MMP11: variants seen among roughly 807,000 people sequenced by gnomAD.
MMP11 encodes stromelysin-3.
Under a neutral mutation model 49.5 loss-of-function variants are expected in MMP11, and 26 were observed. The ratio of observed to expected loss-of-function variants is 0.52; its 90% CI spans 0.38 to 0.73. The LOEUF is 0.73. Ranked by LOEUF, MMP11 falls within the 30% of genes least tolerant of loss-of-function variation. MMP11 has a pLI of 0.00. For missense variants in MMP11, 624 were observed against 671.2 expected (o/e 0.93, Z 0.78); for synonymous variants, 265 against 282.3 (o/e 0.94, Z 0.62).
Position 23,780,874 on chromosome 22 carries a change from A to T in MMP11, c.632A>T (p.Gln211Leu). ...CCTTTTTCAGGCACAGACCTGCTGC[A>T]GGTGGCAGCCCATGAATTTGGCCAC... is the stretch of plus-strand genomic sequence containing the variant. ...IGDDQGTDLLQVAAHEFGHVL... is the reference protein window; with the variant it reads ...IGDDQGTDLLLVAAHEFGHVL... The change falls in exon 5 of 8, where the codon CAG becomes CTG. Residue 211 changes from glutamine (Q) to leucine (L), a missense_variant. Transcript: ENST00000215743. This position sits in a 1 kb window ranked among gnomAD's most constrained non-coding sequence, Gnocchi z 4.6. The T allele has an allele frequency of 1.2e-6, 2 of 1,613,710 alleles. No individual in the cohort carries two copies. Among genetic ancestry groups the T allele is most frequent in the Non-Finnish European group, 1.7e-6 (2 of 1,179,858 alleles).
chr22:23,780,616 C>T lies in MMP11; in HGVS notation c.517C>T (p.Pro173Ser), dbSNP rs765186878. The change falls in exon 4 of 8, where the codon CCT becomes TCT. Residue 173 changes from proline (P) to serine (S), a missense_variant. Pro to Ser is a moderately conservative substitution (Grantham distance 74). Transcript: ENST00000215743. The surrounding 1 kb of genome is among the most constrained non-coding windows in gnomAD (Gnocchi z 4.6). ...TGGGGACGACCTGCCGTTTGATGGG[C>T]CTGGGGGCATCCTGGCCCATGCCTT... Reference protein sequence around the residue: ...WHGDDLPFDGPGGILAHAFFP... With the variant: ...WHGDDLPFDGSGGILAHAFFP... 3 of 1,595,442 alleles carry T rather than the reference C, an allele frequency of 1.9e-6. No homozygotes were observed. The highest frequency in any genetic ancestry group is 2.3e-5 in the South Asian group (2 of 88,024).
intron 1 of MMP11, among the ~76,000 whole-genome samples, chr22:23,778,203 G>C (rs553876657): frequency 6.6e-6 from 1 of 152,352 alleles, no homozygotes; most frequent in South Asian, 2.1e-4. Context: ...CCTTAGGCCT[G>C]AGCCACCAGA....
intron 6 of MMP11, chr22:23,781,849 A>G (rs1216182928): frequency 3.3e-6 from 2 of 598,844 alleles, no homozygotes; most frequent in Non-Finnish European, 6.5e-6. Context: ...GATGCCAGGG[A>G]CTTCACAAAT....
rs756919599 is a variant in MMP11, at chr22:23,783,382, G to A, written c.1334-29G>A. On this transcript the variant is annotated intron_variant, in intron 7 of 7. Transcript: ENST00000215743. ...CAGGAGTAGGGCCCAGTGTCCGCTC[G>A]CCCAGGCTTGACCACCTTCTCTTCT... The A allele has an allele frequency of 6.8e-6, 11 of 1,611,998 alleles. No individual in the cohort carries two copies. In the South Asian group the frequency reaches 7.7e-5, roughly 11 times the overall value.
At chr22:23,778,768 GAC>G (rs1228705193) in intron 1 of MMP11, among the ~76,000 whole-genome samples, 1 of 152,214 alleles carries the variant, frequency 6.6e-6, no homozygotes, top group Non-Finnish European at 1.5e-5. Context: ...GAACTTAGCG[GAC>G]ACAGGAAGAA....
rs1465686052 is a variant in MMP11 at position 23,782,388 on chromosome 22, C to A, written c.1238C>A (p.Pro413His). 1.2e-5 allele frequency: 20 copies of A among 1,613,848 alleles called. 1 individual carries two copies. In the Admixed American group the frequency reaches 3.3e-4, roughly 27 times the overall value. The change falls in exon 7 of 8, where the codon CCC becomes CAC. Residue 413 changes from proline (P) to histidine (H), a missense_variant. Transcript: ENST00000215743. ...FRGRDYWRFH[P>H]STRRVDSPVP... Reference sequence around the variant, plus strand: ...GGCAGGGACTACTGGCGTTTCCACCCCAGCACCCGGCGTGTAGACAGTCCC... The same window carrying A: ...GGCAGGGACTACTGGCGTTTCCACCACAGCACCCGGCGTGTAGACAGTCCC...
chr22:23,774,778 G>A (rs1024318133), intron 1 of MMP11, among the ~76,000 whole-genome samples: 23 of 152,036 alleles, frequency 1.5e-4, no homozygotes, highest in African/African-American at 5.6e-4. Flanking sequence ...TAGACCAACT[G>A]CAAACTGAGG....
At position 23,782,239 on chromosome 22, in the gene MMP11, G is replaced by T. The variant is rs373781156; in HGVS notation, c.1089G>T (p.Trp363Cys). Residue 363 changes from tryptophan to cysteine, a missense_variant, in exon 7 of 8, where the codon TGG becomes TGT. Transcript: ENST00000215743. ...CCTCTCCGGCAGGTGCTCAGTACTG[G>T]GTGTACGACGGTGAAAAGCCAGTCC... Reference protein sequence around the residue: ...HIWFFQGAQYWVYDGEKPVLG... With the variant: ...HIWFFQGAQYCVYDGEKPVLG... The T allele has an allele frequency of 9.2e-5, 149 of 1,613,038 alleles. No individual in the cohort carries two copies. Among genetic ancestry groups the T allele is most frequent in the Non-Finnish European group, 1.2e-4 (138 of 1,179,904 alleles).
intron 1 of MMP11, among the ~76,000 whole-genome samples, chr22:23,778,921 C>T (rs1050423576): frequency 6.6e-6 from 1 of 152,138 alleles, no homozygotes; most frequent in Admixed American, 6.5e-5. Flanking sequence ...CCTCATTGGC[C>T]TAAGTAGCTG....
intron 6 of MMP11, chr22:23,781,639 C>T: frequency 1.6e-6 from 1 of 636,924 alleles, no homozygotes. Flanking sequence ...CACGGTGGGG[C>T]CTCGTGTTGG....
Position 23,780,474 on chromosome 22 carries a change from C to G in MMP11, c.454C>G (p.Arg152Gly), listed in dbSNP as rs757516181. Residue 152 changes from arginine (R) to glycine (G), a missense_variant, in exon 3 of 8, where the codon CGT (arginine) becomes GGT (glycine). By Grantham distance (125) the Arg-to-Gly change is moderately radical. Transcript: ENST00000215743. This position sits in a 1 kb window ranked among gnomAD's most constrained non-coding sequence, Gnocchi z 4.6. ...PLTFTEVHEG[R>G]ADIMIDFARY... is the part of the protein sequence containing the mutation. ...CACCTTTACTGAGGTGCACGAGGGC[C>G]GTGCTGACATCATGATCGACTTCGC... 6.2e-7 allele frequency: 1 copy of G among 1,613,992 alleles called. No homozygotes were observed. The highest frequency in any genetic ancestry group is 8.5e-7 in the Non-Finnish European group (1 of 1,180,012).
intron 6 of MMP11, 58 bp from the exon 7 acceptor site, chr22:23,782,168 G>T: frequency 6.3e-7 from 1 of 1,578,396 alleles, no homozygotes; most frequent in Non-Finnish European, 8.6e-7. Context: ...CAGGTCCACA[G>T]TGGCGGGGCA....
At position 23,783,627 on chromosome 22, in the gene MMP11, T is replaced by C. The variant is rs1927729293; in HGVS notation, c.*83T>C. ...AGAGACCCATGGCCATCTTTGTGGC[T>C]GTGGGCACCAGGCATGGGACTGAGC... On this transcript the variant is annotated 3_prime_UTR_variant, in exon 8 of 8. Transcript: ENST00000215743. 4.5e-6 allele frequency: 7 copies of C among 1,564,814 alleles called. No individual in the cohort carries two copies. Among genetic ancestry groups the C allele is most frequent in the Non-Finnish European group, 6.1e-6 (7 of 1,140,876 alleles).
At position 23,780,372 on chromosome 22, in the gene MMP11, C is replaced by T; in HGVS notation, c.352C>T (p.Pro118Ser). The T allele has an allele frequency of 1.2e-6, 2 of 1,613,148 alleles. No individual in the cohort carries two copies. Among genetic ancestry groups the T allele is most frequent in the Non-Finnish European group, 1.7e-6 (2 of 1,180,032 alleles). Reference protein sequence around the residue: ...TDLTYRILRFPWQLVQEQVRQ... With the variant: ...TDLTYRILRFSWQLVQEQVRQ... ...ATCTCCCTCCAGGATCCTTCGGTTC[C>T]CATGGCAGTTGGTGCAGGAGCAGGT... Residue 118 changes from proline (P) to serine (S), a missense_variant, in exon 3 of 8, where the codon CCA (proline) becomes TCA (serine). Transcript: ENST00000215743. The surrounding 1 kb of genome is among the most constrained non-coding windows in gnomAD (Gnocchi z 4.6).
At chr22:23,778,135 C>T (rs1927481360) in intron 1 of MMP11, among the ~76,000 whole-genome samples, 2 of 152,252 alleles carry the variant, frequency 1.3e-5, no homozygotes, top group African/African-American at 4.8e-5. Flanking sequence ...CTCCATCCCT[C>T]TCCTTCAGTG....
Position 23,780,706 on chromosome 22 carries a change from G to T in MMP11, c.607G>T (p.Asp203Tyr). 5 of 1,554,152 alleles carry T rather than the reference G, an allele frequency of 3.2e-6. No homozygotes were observed. The highest frequency in any genetic ancestry group is 2.6e-6 in the Non-Finnish European group (3 of 1,153,510). ...CTATGATGAGACCTGGACTATCGGGGATGACCAGGGTATGGGCTGGGGACC... is the reference window on the plus strand; with the variant it reads ...CTATGATGAGACCTGGACTATCGGGTATGACCAGGGTATGGGCTGGGGACC... ...FDYDETWTIG[D>Y]DQGTDLLQVA... The change falls in exon 4 of 8, where the codon GAT becomes TAT. Residue 203 changes from aspartate (D) to tyrosine (Y), a missense_variant. Coordinates refer to ENST00000215743, the MANE Select transcript of MMP11 (RefSeq NM_005940.5). The surrounding 1 kb of genome is among the most constrained non-coding windows in gnomAD (Gnocchi z 4.6).
rs765347531 is a variant in MMP11, at chr22:23,779,243, G to A, written c.165G>A (p.Leu55=). The part of the protein sequence containing the change: ...RRGPQPWHAA[L]PSSPAPAPAT... ...GGCCACAGCCCTGGCATGCAGCCCTGCCCAGTAGCCCGGCACCTGCCCCTG... is the reference window on the plus strand; with the variant it reads ...GGCCACAGCCCTGGCATGCAGCCCTACCCAGTAGCCCGGCACCTGCCCCTG... The change falls in exon 2 of 8, where the codon CTG becomes CTA. Residue 55 remains leucine, a synonymous_variant. Coordinates refer to ENST00000215743, the MANE Select transcript of MMP11 (RefSeq NM_005940.5). 1 of 1,608,908 alleles carries A rather than the reference G, an allele frequency of 6.2e-7. No individual in the cohort carries two copies. The highest frequency in any genetic ancestry group is 2.2e-5 in the East Asian group (1 of 44,748).
intron 1 of MMP11, among the ~76,000 whole-genome samples, chr22:23,777,959 T>C (rs951786959): frequency 6.6e-6 from 1 of 152,138 alleles, no homozygotes; most frequent in Admixed American, 6.5e-5. Context: ...GCAGGGAGCG[T>C]TGGGACGCTG....
At position 23,782,249 on chromosome 22, in the gene MMP11, G is replaced by A. The variant is rs1314618309; in HGVS notation, c.1099G>A (p.Gly367Ser). Residue 367 changes from glycine (G) to serine (S), a missense_variant, in exon 7 of 8, where the codon GGT becomes AGT. Physicochemically the swap from Gly to Ser is moderately conservative, Grantham distance 56. Coordinates refer to ENST00000215743, the MANE Select transcript of MMP11 (RefSeq NM_005940.5). ...AGGTGCTCAGTACTGGGTGTACGAC[G>A]GTGAAAAGCCAGTCCTGGGCCCCGC... ...FQGAQYWVYD[G>S]EKPVLGPAPL... is the part of the protein sequence containing the mutation. 2.5e-6 allele frequency: 4 copies of A among 1,613,288 alleles called. No individual in the cohort carries two copies. The highest frequency in any genetic ancestry group is 2.2e-5 in the East Asian group (1 of 44,866).
Sources: allele counts gnomAD v4.1 joint callset (sites outside exome capture counted in the v4.1 genomes callset), GRCh38; gene constraint gnomAD v4.1.1; non-coding constraint Gnocchi (gnomAD v3.1); transcripts MANE v1.5; gene names NCBI Gene and HGNC (gene_info 2026-07-23, HGNC 2026-07-21).